The following EFR3B variants were observed in gnomAD, a reference collection of about 807,000 sequenced individuals.
EFR3B encodes EFR3 homolog B.
In EFR3B, 64 loss-of-function variants were observed where a neutral mutation model predicts 104.7. The observed-to-expected ratio is 0.61, with a 90% CI of 0.50 to 0.75. The LOEUF is 0.75. Among genes scored for constraint, EFR3B ranks in the 30% least tolerant of loss-of-function variants. EFR3B has a pLI of 0.00. For synonymous variants in EFR3B, 385 were observed against 417.9 expected (o/e 0.92, Z 0.96); for missense variants, 750 against 1,078.5 (o/e 0.70, Z 4.27).
chr2:25,152,014 G>A lies in EFR3B; in HGVS notation c.2292G>A (p.Gly764=), dbSNP rs756951897. ...TCGAGGAGATTGCTGCACACTGCGG[G>A]GCCCGGGTAAGTGAAGCATGACATG... ...APFEEIAAHC[G]ARASLLQSKL... The change falls in exon 21 of 23, where the codon GGG becomes GGA. Residue 764 remains glycine, a synonymous_variant. Coordinates refer to ENST00000403714, the MANE Select transcript of EFR3B (RefSeq NM_014971.2). The A allele has an allele frequency of 1.3e-6, 2 of 1,551,450 alleles. No individual in the cohort carries two copies. Among genetic ancestry groups the A allele is most frequent in the East Asian group, 2.4e-5 (1 of 40,928 alleles).
Position 25,130,133 on chromosome 2 carries a change from T to C in EFR3B, c.770+24T>C, listed in dbSNP as rs1208497241. The C allele has an allele frequency of 6.4e-7, 1 of 1,551,774 alleles. No individual in the cohort carries two copies. The highest frequency in any genetic ancestry group is 8.7e-7 in the Non-Finnish European group (1 of 1,146,970). ...ATGTGAGTGCCCCCACCCACTGCCT[T>C]GGCCCCAGCCTTCAGCCTGGATGTG... On this transcript the variant is annotated intron_variant, in intron 7 of 22. Transcript: ENST00000403714. The surrounding 1 kb of genome is among the most constrained non-coding windows in gnomAD (Gnocchi z 4.6).
rs1670351369 is a variant in EFR3B at position 25,131,944 on chromosome 2, G to A, written c.1147+33G>A. On this transcript the variant is annotated intron_variant, in intron 10 of 22. Coordinates refer to ENST00000403714, the MANE Select transcript of EFR3B (RefSeq NM_014971.2). This position sits in a 1 kb window ranked among gnomAD's most constrained non-coding sequence, Gnocchi z 7.6. ...GCGGGGCCGGGCCGGGGCGGGGCGG[G>A]GCCGAGGCGCGGAGTGGGGAGGGGA... The A allele has an allele frequency of 4.9e-6, 7 of 1,433,948 alleles. No individual in the cohort carries two copies. Among genetic ancestry groups the A allele is most frequent in the Non-Finnish European group, 5.5e-6 (6 of 1,094,782 alleles). 88.8% of individuals were successfully genotyped at this position (1,433,948 alleles called of 1,614,324 possible). A position where few individuals can be genotyped will look rare whatever the true frequency, so the allele number is the denominator to read the frequency against.
intron 1 of EFR3B, among the ~76,000 whole-genome samples, chr2:25,082,419 C>T (rs1668834606): frequency 6.6e-6 from 1 of 152,156 alleles, no homozygotes; most frequent in Non-Finnish European, 1.5e-5. Flanking sequence ...GTGAGCCTGA[C>T]CTCAGGAGCT....
intron 1 of EFR3B, among the ~76,000 whole-genome samples, chr2:25,051,853 T>A (rs1053733331): frequency 6.6e-6 from 1 of 150,494 alleles, no homozygotes; most frequent in African/African-American, 2.4e-5. Context: ...TTGGCCAGGC[T>A]GATCTTGATC....
At position 25,080,715 on chromosome 2, in the gene EFR3B, ATCT is replaced by A. The variant is rs1037080113; in HGVS notation, c.8-10605_8-10603del. The A allele has an allele frequency of 5.1e-6, 5 of 976,796 alleles. No individual in the cohort carries two copies. In the African/African-American group the frequency reaches 8.1e-5, roughly 16 times the overall value. The allele number at this position is 976,796 out of a possible 1,614,324, so 60.5% of individuals were successfully genotyped here. A position where few individuals can be genotyped will look rare whatever the true frequency, so the allele number is the denominator to read the frequency against. ...CCTTAGCAGCGTCTTTGTCATTTTCATCTTCTTGGGTTCAGTCCTGTAGATCAA... is the reference window on the plus strand; with the variant it reads ...CCTTAGCAGCGTCTTTGTCATTTTCATCTTGGGTTCAGTCCTGTAGATCAA... On this transcript the variant is annotated intron_variant, in intron 1 of 22. Transcript: ENST00000403714.
At position 25,151,998 on chromosome 2, in the gene EFR3B, T is replaced by C. The variant is rs1219801153; in HGVS notation, c.2276T>C (p.Ile759Thr). The C allele has an allele frequency of 3.9e-6, 6 of 1,551,616 alleles. No individual in the cohort carries two copies. Among genetic ancestry groups the C allele is most frequent in the South Asian group, 1.2e-5 (1 of 84,044 alleles). The change falls in exon 21 of 23, where the codon ATT becomes ACT. Residue 759 changes from isoleucine (I) to threonine (T), a missense_variant. Physicochemically the swap from Ile to Thr is moderately conservative, Grantham distance 89. Transcript: ENST00000403714. ...EKFQKAPFEEIAAHCGARASL... is the reference protein window; with the variant it reads ...EKFQKAPFEETAAHCGARASL... ...TTCCAGAAGGCACCCTTCGAGGAGA[T>C]TGCTGCACACTGCGGGGCCCGGGTA...
At chr2:25,126,763 G>A (rs900975533) in intron 5 of EFR3B, among the ~76,000 whole-genome samples, 2 of 151,976 alleles carry the variant, frequency 1.3e-5, no homozygotes, top group Non-Finnish European at 2.9e-5. Context: ...CCAAAGTGCT[G>A]GGGTTACAGG....
In EFR3B at chr2:25,154,243, C is replaced by G; in HGVS notation, c.2357C>G (p.Pro786Arg). Residue 786 changes from proline (P) to arginine (R), a missense_variant, in exon 23 of 23, where the codon CCA becomes CGA. Transcript: ENST00000403714. The surrounding 1 kb of genome is among the most constrained non-coding windows in gnomAD (Gnocchi z 4.1). Reference sequence around the variant, plus strand: ...GTGTTCCTGCCCCCTAGGCCCCCACCAAGCCCATCAGGAACCATCACTGCA... The same window carrying G: ...GTGTTCCTGCCCCCTAGGCCCCCACGAAGCCCATCAGGAACCATCACTGCA... ...QIFEITIRPP[P>R]SPSGTITAAY... is the part of the protein sequence containing the mutation. 1.3e-6 allele frequency: 2 copies of G among 1,551,854 alleles called. No homozygotes were observed. Among genetic ancestry groups the G allele is most frequent in the Admixed American group, 2.0e-5 (1 of 50,996 alleles).
At position 25,152,020 on chromosome 2, in the gene EFR3B, G is replaced by A. The variant is rs1003377660; in HGVS notation, c.2298G>A (p.Arg766=). 15 of 1,551,418 alleles carry A rather than the reference G, an allele frequency of 9.7e-6. No homozygotes were observed. The African/African-American group carries it at 2.1e-4, about 21-fold the overall frequency. The part of the protein sequence containing the change: ...FEEIAAHCGA[R]ASLLQSKLNQ... ...AGATTGCTGCACACTGCGGGGCCCG[G>A]GTAAGTGAAGCATGACATGGGCGAG... is the stretch of plus-strand genomic sequence containing the variant. Residue 766 remains arginine, a splice_region_variant and synonymous_variant, in exon 21 of 23, where the codon CGG becomes CGA. Transcript: ENST00000403714.
At position 25,042,142 on chromosome 2, in the gene EFR3B, C is replaced by T. The variant is rs567510971; in HGVS notation, c.-171C>T. On this transcript the variant is annotated 5_prime_UTR_variant, in exon 1 of 23. Coordinates refer to ENST00000403714, the MANE Select transcript of EFR3B (RefSeq NM_014971.2). This position sits in a 1 kb window ranked among gnomAD's most constrained non-coding sequence, Gnocchi z 5.4. ...CGGCGCTGAATGGGCTGGCGGCGCC[C>T]GGCTCCGTCCTGCCCGCGGCCGGCC... 3.7e-6 allele frequency: 2 copies of T among 542,484 alleles called. No individual in the cohort carries two copies. The highest frequency in any genetic ancestry group is 2.0e-5 in the African/African-American group (1 of 49,798). 33.6% of individuals were successfully genotyped at this position (542,484 alleles called of 1,614,324 possible).
chr2:25,122,589 C>T (rs903785645), intron 5 of EFR3B, among the ~76,000 whole-genome samples: 1 of 152,058 alleles, frequency 6.6e-6, no homozygotes, highest in African/African-American at 2.4e-5. Context: ...GACACTGCCT[C>T]AGGGCCTTTG....
At chr2:25,080,771 T>G in intron 1 of EFR3B, 1 of 1,288,520 alleles carries the variant, frequency 7.8e-7, no homozygotes, top group Non-Finnish European at 1.1e-6. Context: ...TAGGCTGAAT[T>G]AGAGTCAAAA....
At chr2:25,070,223 A>C (rs1206921039) in intron 1 of EFR3B, among the ~76,000 whole-genome samples, 3 of 151,892 alleles carry the variant, frequency 2.0e-5, no homozygotes, top group African/African-American at 7.3e-5. Flanking sequence ...CTCATTACAC[A>C]ATATTTTCCC....
At chr2:25,055,080 C>T (rs945627657) in intron 1 of EFR3B, among the ~76,000 whole-genome samples, 2 of 152,172 alleles carry the variant, frequency 1.3e-5, no homozygotes, top group African/African-American at 4.8e-5. Flanking sequence ...AGGTGGATGT[C>T]ATCATTGTTT....
At chr2:25,065,588 T>G (rs1668312300) in intron 1 of EFR3B, among the ~76,000 whole-genome samples, 1 of 152,154 alleles carries the variant, frequency 6.6e-6, no homozygotes, top group Non-Finnish European at 1.5e-5. Context: ...TCACACTATT[T>G]GAAATTCCAG....
chr2:25,081,943 A>G (rs563402249), intron 1 of EFR3B, among the ~76,000 whole-genome samples: 23 of 152,192 alleles, frequency 1.5e-4, no homozygotes, highest in African/African-American at 2.2e-4. Flanking sequence ...CAAACCACCA[A>G]TCGCCCTGAG....
At chr2:25,150,189 A>T (rs1229716534) in intron 20 of EFR3B, among the ~76,000 whole-genome samples, 1 of 151,828 alleles carries the variant, frequency 6.6e-6, no homozygotes, top group African/African-American at 2.4e-5. Flanking sequence ...AATCACAGCT[A>T]CTTGGGAGGC....
intron 4 of EFR3B, among the ~76,000 whole-genome samples, chr2:25,118,627 C>T (rs971248954): frequency 3.5e-5 from 5 of 142,468 alleles, no homozygotes; most frequent in African/African-American, 1.0e-4. Flanking sequence ...TATTTCACAG[C>T]GTATGTCAAA....
chr2:25,063,026 C>T (rs543924309), intron 1 of EFR3B, among the ~76,000 whole-genome samples: 135 of 152,178 alleles, frequency 8.9e-4, no homozygotes, highest in African/African-American at 3.1e-3. Flanking sequence ...CATGTTCAAG[C>T]GATTCTCCTG....
Sources: allele counts gnomAD v4.1 joint callset (sites outside exome capture counted in the v4.1 genomes callset), GRCh38; gene constraint gnomAD v4.1.1; non-coding constraint Gnocchi (gnomAD v3.1); transcripts MANE v1.5; gene names NCBI Gene and HGNC (gene_info 2026-07-23, HGNC 2026-07-21).